ARK2N: variants seen among roughly 807,000 people sequenced by gnomAD.
ARK2N encodes the protein arkadia (RNF111) N-terminal like PKA signaling regulator 2N.
At chr18:46,250,515 C>CACACACACACACACACAG in the ARK2N span, among the ~76,000 whole-genome samples, 1 of 151,608 alleles carries the variant, frequency 6.6e-6, no homozygotes, top group South Asian at 2.1e-4. Flanking sequence ...CACACACACA[C>CACACACACACACACACAG]AGTATTTTCC....
chr18:46,203,407 G>T, the ARK2N span, among the ~76,000 whole-genome samples: 4 of 152,172 alleles, frequency 2.6e-5, no homozygotes, highest in East Asian at 7.7e-4. Context: ...CAGGCAAAAT[G>T]ATTTGTGATA....
the ARK2N span, among the ~76,000 whole-genome samples, chr18:46,213,811 C>T: frequency 3.3e-5 from 5 of 152,142 alleles, no homozygotes; most frequent in Non-Finnish European, 7.3e-5. Context: ...GTTCTTTTGC[C>T]TCAGCCTCCC....
At chr18:46,258,959 G>C in the ARK2N span, among the ~76,000 whole-genome samples, 1 of 151,356 alleles carries the variant, frequency 6.6e-6, no homozygotes, top group African/African-American at 2.4e-5. Context: ...TTATAAAATA[G>C]TTGAAATATT....
chr18:46,216,226 G>A, the ARK2N span: 1 of 1,613,874 alleles, frequency 6.2e-7, no homozygotes. This position sits in a 1 kb window ranked among gnomAD's most constrained non-coding sequence, Gnocchi z 4.3. Flanking sequence ...AGAAGAGAAT[G>A]AACCCTCTCA....
the ARK2N span, among the ~76,000 whole-genome samples, chr18:46,242,636 ATTTC>A: frequency 9.2e-3 from 1,402 of 152,240 alleles, 30 homozygotes; most frequent in African/African-American, 0.032. Flanking sequence ...ATTCCTGTGT[ATTTC>A]TTTATATATT....
the ARK2N span, among the ~76,000 whole-genome samples, chr18:46,241,885 C>G: frequency 6.6e-6 from 1 of 152,052 alleles, no homozygotes; most frequent in African/African-American, 2.4e-5. Context: ...GGCGCGATCT[C>G]AGCTCACTGC....
chr18:46,221,282 A>G, the ARK2N span, among the ~76,000 whole-genome samples: 1 of 151,972 alleles, frequency 6.6e-6, no homozygotes, highest in Admixed American at 6.6e-5. Flanking sequence ...GTGGTGTCTC[A>G]TGCCTGTAAT....
At chr18:46,216,458 C>T in the ARK2N span, 1 of 1,613,938 alleles carries the variant, frequency 6.2e-7, no homozygotes, top group Non-Finnish European at 8.5e-7. The surrounding 1 kb of genome is among the most constrained non-coding windows in gnomAD (Gnocchi z 4.3). Context: ...CGGGAGGCTG[C>T]TGCAAGGAAG....
At chr18:46,261,268 T>C in the ARK2N span, among the ~76,000 whole-genome samples, 1 of 152,226 alleles carries the variant, frequency 6.6e-6, no homozygotes, top group African/African-American at 2.4e-5. Flanking sequence ...ATGGAAAGCA[T>C]TGGACCCAAA....
At chr18:46,232,848 GT>G in the ARK2N span, 1 of 152,100 alleles carries the variant, frequency 6.6e-6, no homozygotes, top group African/African-American at 2.4e-5. Context: ...TGAAATTACT[GT>G]TTTTATTTTA....
chr18:46,209,060 A>G, the ARK2N span, among the ~76,000 whole-genome samples: 1 of 152,304 alleles, frequency 6.6e-6, no homozygotes, highest in African/African-American at 2.4e-5. Context: ...TTTATGTGAC[A>G]TTCTTGGTAG....
At chr18:46,203,190 A>C in the ARK2N span, among the ~76,000 whole-genome samples, 4 of 152,236 alleles carry the variant, frequency 2.6e-5, no homozygotes, top group Admixed American at 6.5e-5. Flanking sequence ...ACATGTATGA[A>C]ACTTTTCATG....
chr18:46,248,170 T>G, the ARK2N span, among the ~76,000 whole-genome samples: 1 of 152,096 alleles, frequency 6.6e-6, no homozygotes, highest in Non-Finnish European at 1.5e-5. Context: ...CCTGCTGGTG[T>G]TGGTACATGA....
At chr18:46,255,697 C>T in the ARK2N span, among the ~76,000 whole-genome samples, 1 of 150,948 alleles carries the variant, frequency 6.6e-6, no homozygotes, top group Admixed American at 6.7e-5. Flanking sequence ...GTGATCCACC[C>T]ACCTCGGCCT....
chr18:46,215,712 T>C, the ARK2N span: 1 of 588,326 alleles, frequency 1.7e-6, no homozygotes, highest in Admixed American at 3.0e-5. Flanking sequence ...AAGGCCTGTG[T>C]AATAGTAAGT....
the ARK2N span, among the ~76,000 whole-genome samples, chr18:46,179,512 A>C: frequency 6.6e-6 from 1 of 152,116 alleles, no homozygotes; most frequent in South Asian, 2.1e-4. Flanking sequence ...TCTCAGCAGA[A>C]GTGGGATTGA....
At chr18:46,207,716 A>G in the ARK2N span, among the ~76,000 whole-genome samples, 2 of 152,112 alleles carry the variant, frequency 1.3e-5, no homozygotes, top group African/African-American at 2.4e-5. Flanking sequence ...GCAGGTGTAC[A>G]TTGATTTACA....
chr18:46,192,058 G>A, the ARK2N span, among the ~76,000 whole-genome samples: 1 of 152,188 alleles, frequency 6.6e-6, no homozygotes, highest in Non-Finnish European at 1.5e-5. Context: ...CTGAAGGATA[G>A]TAAGTCGCTT....
At chr18:46,219,400 T>C in the ARK2N span, among the ~76,000 whole-genome samples, 1 of 152,160 alleles carries the variant, frequency 6.6e-6, no homozygotes, top group Non-Finnish European at 1.5e-5. Context: ...ATTTATAATA[T>C]TTTATAGTGA....
Sources: allele counts gnomAD v4.1 joint callset (sites outside exome capture counted in the v4.1 genomes callset), GRCh38; gene constraint gnomAD v4.1.1; non-coding constraint Gnocchi (gnomAD v3.1); transcripts MANE v1.5; gene names NCBI Gene and HGNC (gene_info 2026-07-23, HGNC 2026-07-21).